The following AFG2A variants were observed in gnomAD, a reference collection of about 807,000 sequenced individuals.
The protein encoded by AFG2A is ATPase family gene 2 protein homolog A.
chr4:122,967,327 G>C, the AFG2A span, among the ~76,000 whole-genome samples: 16 of 152,152 alleles, frequency 1.1e-4, no homozygotes, highest in African/African-American at 3.6e-4. Flanking sequence ...TTGAGTCTAG[G>C]AGTTGAGGCT....
chr4:123,067,896 C>T, the AFG2A span, among the ~76,000 whole-genome samples: 1 of 152,082 alleles, frequency 6.6e-6, no homozygotes, highest in Non-Finnish European at 1.5e-5. Context: ...TAATCAAATG[C>T]GAAAACAATT....
At chr4:123,286,963 A>G in the AFG2A span, among the ~76,000 whole-genome samples, 1 of 152,092 alleles carries the variant, frequency 6.6e-6, no homozygotes, top group Admixed American at 6.5e-5. Context: ...TCACTCAGAA[A>G]GCCTTTATGG....
chr4:123,255,151 G>T, the AFG2A span, among the ~76,000 whole-genome samples: 3 of 152,084 alleles, frequency 2.0e-5, no homozygotes, highest in Non-Finnish European at 4.4e-5. Flanking sequence ...TTTTTGTAGA[G>T]ATGTCGTTTT....
the AFG2A span, among the ~76,000 whole-genome samples, chr4:123,062,570 G>A: frequency 6.6e-6 from 1 of 152,038 alleles, no homozygotes; most frequent in African/African-American, 2.4e-5. Flanking sequence ...ATAGCAATAA[G>A]CCATATGGTA....
At chr4:123,286,546 T>G in the AFG2A span, among the ~76,000 whole-genome samples, 929 of 152,320 alleles carry the variant, frequency 6.1e-3, 4 homozygotes, top group African/African-American at 0.021. Context: ...AACTGCAAAG[T>G]TTTTTAGCTT....
chr4:123,285,921 G>C, the AFG2A span, among the ~76,000 whole-genome samples: 1,936 of 152,242 alleles, frequency 0.013, 45 homozygotes, highest in African/African-American at 0.045. Context: ...GAAATCAGTG[G>C]TGGTGGAGGT....
the AFG2A span, among the ~76,000 whole-genome samples, chr4:122,986,084 G>A: frequency 6.6e-6 from 1 of 152,046 alleles, no homozygotes; most frequent in African/African-American, 2.4e-5. Flanking sequence ...GCATGGTTCT[G>A]AAGGTTCCTT....
At chr4:123,088,378 C>T in the AFG2A span, among the ~76,000 whole-genome samples, 1 of 152,244 alleles carries the variant, frequency 6.6e-6, no homozygotes, top group South Asian at 2.1e-4. Context: ...AATTAAAGGC[C>T]TCCGATGTAA....
At chr4:123,222,666 T>TTAA in the AFG2A span, among the ~76,000 whole-genome samples, 1 of 152,158 alleles carries the variant, frequency 6.6e-6, no homozygotes, top group Admixed American at 6.5e-5. Flanking sequence ...CACTGAAGCA[T>TTAA]TATGCCTGTT....
At chr4:123,053,546 G>A in the AFG2A span, among the ~76,000 whole-genome samples, 1 of 152,240 alleles carries the variant, frequency 6.6e-6, no homozygotes, top group Non-Finnish European at 1.5e-5. Context: ...GCTGGTCATT[G>A]CAAAAGTGCT....
At chr4:123,231,105 CCAA>C in the AFG2A span, among the ~76,000 whole-genome samples, 4 of 151,874 alleles carry the variant, frequency 2.6e-5, no homozygotes, top group Non-Finnish European at 5.9e-5. Flanking sequence ...GCATTAGCCC[CCAA>C]CAAGAGAGTC....
At chr4:123,211,866 T>G in the AFG2A span, among the ~76,000 whole-genome samples, 1 of 152,138 alleles carries the variant, frequency 6.6e-6, no homozygotes, top group African/African-American at 2.4e-5. Flanking sequence ...ACCAGCAGAT[T>G]ACAAACAAGC....
the AFG2A span, among the ~76,000 whole-genome samples, chr4:123,226,662 T>G: frequency 6.6e-6 from 1 of 152,192 alleles, no homozygotes; most frequent in East Asian, 1.9e-4. Context: ...GATATTAGTC[T>G]AAAATTCTCT....
chr4:123,229,091 G>A, the AFG2A span, among the ~76,000 whole-genome samples: 4 of 151,850 alleles, frequency 2.6e-5, no homozygotes, highest in African/African-American at 9.7e-5. Context: ...AAAAAAACCA[G>A]CACAATTTCT....
At chr4:123,028,443 A>AC in the AFG2A span, 2 of 1,506,292 alleles carry the variant, frequency 1.3e-6, no homozygotes, top group Non-Finnish European at 1.8e-6. Flanking sequence ...GCCTCCCCCA[A>AC]CCCCCATTCT....
chr4:122,947,297 C>T, the AFG2A span: 6 of 1,612,988 alleles, frequency 3.7e-6, no homozygotes, highest in South Asian at 1.1e-5. Flanking sequence ...TTGGATGCTG[C>T]TCTCCGAAGA....
chr4:123,104,144 A>C, the AFG2A span, among the ~76,000 whole-genome samples: 1 of 152,248 alleles, frequency 6.6e-6, no homozygotes, highest in East Asian at 1.9e-4. Context: ...CTGCAAGTCC[A>C]TTGGTGCCAT....
the AFG2A span, among the ~76,000 whole-genome samples, chr4:122,985,999 T>G: frequency 6.6e-6 from 1 of 152,110 alleles, no homozygotes; most frequent in South Asian, 2.1e-4. Flanking sequence ...TTCGAAGAAT[T>G]TTTTAATTTT....
the AFG2A span, among the ~76,000 whole-genome samples, chr4:123,152,144 A>C: frequency 1.4e-5 from 2 of 147,730 alleles, no homozygotes; most frequent in African/African-American, 4.9e-5. Flanking sequence ...GGGGTGGGAA[A>C]GGGGAGGGAT....
Sources: gnomAD v4.1 joint callset for allele counts (sites outside exome capture counted in the v4.1 genomes callset) on GRCh38, gnomAD v4.1.1 for gene constraint, MANE v1.5 for transcripts, NCBI Gene and HGNC (gene_info 2026-07-23, HGNC 2026-07-21) for gene names.